Variants in STRN3 observed in about 807,000 individuals in gnomAD.
STRN3 encodes the protein striatin-3.
STRN3 carries 29 observed loss-of-function variants against 95.6 expected under a neutral mutation model. The ratio of observed to expected loss-of-function variants is 0.30; its 90% confidence interval spans 0.23 to 0.41. STRN3 has a LOEUF of 0.41. Ranked by LOEUF, STRN3 falls within the 10% of genes least tolerant of loss-of-function variation. The probability of loss-of-function intolerance (pLI) is 1.00; values close to 1 mark genes in which losing one functional copy is unlikely to be tolerated. For missense variants in STRN3, 890 were observed against 972.1 expected, an observed-to-expected ratio of 0.92 and a Z score of 1.12; for synonymous variants, 331 against 357.6, an observed-to-expected ratio of 0.93 and a Z score of 0.84.
At chr14:30,985,971 T>A (rs1254907039) in intron 1 of STRN3, among the ~76,000 whole-genome samples, 1 of 152,196 alleles carries the variant, frequency 6.6e-6, no homozygotes, top group East Asian at 1.9e-4. Context: ...TAAGCACTTG[T>A]GTGCATGCGC....
intron 5 of STRN3, among the ~76,000 whole-genome samples, chr14:30,942,093 A>G (rs980071096): frequency 6.6e-6 from 1 of 152,158 alleles, no homozygotes; most frequent in Non-Finnish European, 1.5e-5. Flanking sequence ...TATGTTTAAT[A>G]AGCTTTCCCA....
chr14:30,906,118 C>A (rs1412719516), intron 14 of STRN3, among the ~76,000 whole-genome samples: 4 of 152,116 alleles, frequency 2.6e-5, no homozygotes, highest in Non-Finnish European at 2.9e-5. Context: ...CTAGCCAGAT[C>A]AATGCACAAT....
intron 1 of STRN3, among the ~76,000 whole-genome samples, chr14:31,007,988 T>C (rs907059415): frequency 6.7e-6 from 1 of 149,776 alleles, no homozygotes. Context: ...AGGTCAGGAG[T>C]TCAAGACCAG....
intron 8 of STRN3, among the ~76,000 whole-genome samples, chr14:30,924,363 C>T (rs1307951992): frequency 1.4e-5 from 2 of 140,202 alleles, no homozygotes; most frequent in South Asian, 2.3e-4. Flanking sequence ...TCCTGACTCA[C>T]TGCAACCTCC....
chr14:30,917,493 C>T (rs1387696436), intron 9 of STRN3, among the ~76,000 whole-genome samples: 2 of 150,742 alleles, frequency 1.3e-5, no homozygotes, highest in African/African-American at 4.9e-5. Context: ...GCAAGTTGTA[C>T]TATGCATATT....
rs1329775540 is a variant in STRN3, at chr14:30,928,459, T to C, written c.1099+742A>G. Among the ~76,000 whole-genome samples the C allele has an allele frequency of 2.6e-5, 4 of 152,214 alleles. No homozygotes were observed. In the East Asian group the frequency reaches 7.7e-4, roughly 29 times the overall value. On this transcript the variant is annotated intron_variant, in intron 8 of 17. Transcript: ENST00000357479. ...ATAAGTTTCAAGTCTCTCCAGTTAA[T>C]AGTCATAGATCTGAAGATATTTTTA...
chr14:30,929,759 T>C (rs892436168), intron 7 of STRN3, among the ~76,000 whole-genome samples: 2 of 151,924 alleles, frequency 1.3e-5, no homozygotes, highest in African/African-American at 2.4e-5. Flanking sequence ...ATGCACCTTC[T>C]GTCATACTGA....
rs372377600 is a variant in STRN3, at chr14:30,902,625, T to A, written c.2048A>T (p.His683Leu). The change falls in exon 16 of 18, where the codon CAT becomes CTT. Residue 683 changes from histidine to leucine, a missense_variant. His to Leu is a moderately conservative substitution (Grantham distance 99). Coordinates refer to ENST00000357479, the MANE Select transcript of STRN3 (RefSeq NM_001083893.2). Reference sequence around the variant, plus strand: ...GGGATGACTTACTACTCTGTTGATATGATTATTAGATTGTAAACCTGAAAA... The same window carrying A: ...GGGATGACTTACTACTCTGTTGATAAGATTATTAGATTGTAAACCTGAAAA... ...QVDSGLQSNN[H>L]INRVVSHPTL... 6.3e-7 allele frequency: 1 copy of A among 1,597,242 alleles called. No homozygotes were observed. The highest frequency in any genetic ancestry group is 1.3e-5 in the African/African-American group (1 of 74,120).
intron 16 of STRN3, among the ~76,000 whole-genome samples, chr14:30,902,058 C>A (rs1161263417): frequency 6.6e-6 from 1 of 151,374 alleles, no homozygotes; most frequent in Non-Finnish European, 1.5e-5. Flanking sequence ...GTAATCCCAG[C>A]GACTCGGGAG....
At chr14:30,962,965 T>C (rs1880285561) in intron 1 of STRN3, among the ~76,000 whole-genome samples, 1 of 152,190 alleles carries the variant, frequency 6.6e-6, no homozygotes, top group African/African-American at 2.4e-5. Flanking sequence ...CTATACCACA[T>C]AGCCCAAGTG....
intron 16 of STRN3, among the ~76,000 whole-genome samples, chr14:30,896,613 G>C (rs73260377): frequency 0.067 from 10,148 of 151,938 alleles, 534 homozygotes; most frequent in East Asian, 0.21. Context: ...AAGGAAAAGT[G>C]TCAGTGAAAG....
intron 1 of STRN3, among the ~76,000 whole-genome samples, chr14:31,013,895 T>TATTATTTGAGACAGAGTGTC (rs1555327154): frequency 6.9e-6 from 1 of 145,398 alleles, no homozygotes; most frequent in African/African-American, 2.5e-5. Flanking sequence ...TTATTATTAT[T>TATTATTTGAGACAGAGTGTC]ATTATTATTA....
intron 1 of STRN3, among the ~76,000 whole-genome samples, chr14:30,973,040 C>T (rs1382577641): frequency 6.6e-6 from 1 of 152,144 alleles, no homozygotes. Context: ...GAAATCCTAT[C>T]TCTACAAAAA....
At chr14:30,913,293 T>C (rs1050356511) in intron 10 of STRN3, among the ~76,000 whole-genome samples, 1 of 152,042 alleles carries the variant, frequency 6.6e-6, no homozygotes, top group Admixed American at 6.6e-5. Context: ...TACTGACCAA[T>C]ATATTAATCA....
chr14:30,992,837 C>A (rs148630345), intron 1 of STRN3, among the ~76,000 whole-genome samples: 149 of 151,656 alleles, frequency 9.8e-4, no homozygotes, highest in Non-Finnish European at 1.8e-3. Context: ...AACAGCCAGA[C>A]CCTTATTTCT....
intron 1 of STRN3, among the ~76,000 whole-genome samples, chr14:31,010,084 G>A (rs1175237172): frequency 6.6e-6 from 1 of 152,102 alleles, no homozygotes; most frequent in Non-Finnish European, 1.5e-5. Flanking sequence ...TCAAGCCTGG[G>A]TGACGGTATG....
At chr14:30,941,081 G>A (rs189286065) in intron 5 of STRN3, among the ~76,000 whole-genome samples, 5 of 152,200 alleles carry the variant, frequency 3.3e-5, no homozygotes, top group East Asian at 1.9e-4. Context: ...TCGGCAGTCC[G>A]CAACCCAGAA....
chr14:30,957,298 C>A (rs552333869), intron 1 of STRN3, among the ~76,000 whole-genome samples: 12 of 152,038 alleles, frequency 7.9e-5, no homozygotes, highest in Admixed American at 7.2e-4. Flanking sequence ...CTAAAAAATA[C>A]AAAAAATTGC....
At chr14:30,975,836 TAAAAA>T (rs528570710) in intron 1 of STRN3, among the ~76,000 whole-genome samples, 165 of 113,122 alleles carry the variant, frequency 1.5e-3, no homozygotes, top group Non-Finnish European at 2.2e-3. Flanking sequence ...CCTGGCTCTT[TAAAAA>T]AAAAAAAAAA....
Sources: allele counts gnomAD v4.1 joint callset (sites outside exome capture counted in the v4.1 genomes callset), GRCh38; gene constraint gnomAD v4.1.1; transcripts MANE v1.5; gene names NCBI Gene and HGNC (gene_info 2026-07-23, HGNC 2026-07-21).